ABCB5: variants seen among roughly 807,000 people sequenced by gnomAD.
The protein encoded by ABCB5 is ATP binding cassette subfamily B member 5.
A neutral mutation model predicts 144.2 loss-of-function variants in ABCB5; 155 were observed. The observed-to-expected ratio is 1.08, with a 90% confidence interval of 0.94 to 1.23. The LOEUF (loss-of-function observed/expected upper bound fraction) is 1.23. Ranked by LOEUF, ABCB5 falls within the 50% of genes most tolerant of loss-of-function variation. The pLI, the probability that ABCB5 is intolerant of heterozygous loss-of-function variation, is 0.00. For synonymous variants in ABCB5, 610 were observed against 528.6 expected, an observed-to-expected ratio of 1.15 and a Z score of -2.11; for missense variants, 1,830 against 1,520.8, an observed-to-expected ratio of 1.20 and a Z score of -3.38.
In ABCB5 at chr7:20,628,843, G is replaced by A. The variant is rs773380882; in HGVS notation, c.259+5G>A. 4.3e-6 allele frequency: 7 copies of A among 1,612,954 alleles called. No homozygotes were observed. Among genetic ancestry groups the A allele is most frequent in the African/African-American group, 1.3e-5 (1 of 74,996 alleles). On this transcript the variant is annotated splice_donor_5th_base_variant and intron_variant, in intron 4 of 27. Transcript: ENST00000404938. ...GTCTAGTCCAAACTAACACAAGTGA[G>A]TATACGATTATTTTTCTGTATCACT...
intron 1 of ABCB5, among the ~76,000 whole-genome samples, chr7:20,616,266 C>T (rs570023686): frequency 1.6e-4 from 24 of 152,270 alleles, no homozygotes; most frequent in African/African-American, 4.8e-4. Flanking sequence ...GAACTCCTGA[C>T]CTCAGATGAT....
intron 20 of ABCB5, among the ~76,000 whole-genome samples, chr7:20,716,903 T>C (rs1245558665): frequency 6.6e-6 from 1 of 152,094 alleles, no homozygotes; most frequent in Non-Finnish European, 1.5e-5. Flanking sequence ...CAGCGCAGCC[T>C]TAGGGAATCT....
intron 23 of ABCB5, among the ~76,000 whole-genome samples, chr7:20,732,026 TA>T (rs1782238505): frequency 6.6e-6 from 1 of 152,232 alleles, no homozygotes; most frequent in Non-Finnish European, 1.5e-5. Context: ...GAAATTTGAA[TA>T]AAGCCAAAGT....
intron 1 of ABCB5, among the ~76,000 whole-genome samples, chr7:20,616,836 G>T (rs1176663335): frequency 6.6e-6 from 1 of 152,236 alleles, no homozygotes; most frequent in Non-Finnish European, 1.5e-5. Context: ...TTTCCATACA[G>T]TGAGGACCTG....
chr7:20,656,774 C>T (rs953963080), intron 13 of ABCB5, among the ~76,000 whole-genome samples: 1 of 152,048 alleles, frequency 6.6e-6, no homozygotes, highest in African/African-American at 2.4e-5. Flanking sequence ...TAAATGAAAA[C>T]ATGACCACAA....
Position 20,643,289 on chromosome 7 carries a change from A to G in ABCB5, c.420A>G (p.Arg140=). 1.9e-6 allele frequency: 3 copies of G among 1,613,910 alleles called. No homozygotes were observed. Among genetic ancestry groups the G allele is most frequent in the South Asian group, 1.1e-5 (1 of 91,060 alleles). ...CAGCACGACAGACCAAGAGGATTCG[A>G]AAACAGTTTTTTCATTCAGTTTTGG... is the stretch of plus-strand genomic sequence containing the variant. ...ITAARQTKRI[R]KQFFHSVLAQ... Residue 140 remains arginine, a synonymous_variant, in exon 6 of 28, where the codon CGA becomes CGG. Transcript: ENST00000404938.
At chr7:20,619,871 G>A (rs1783772277) in intron 1 of ABCB5, among the ~76,000 whole-genome samples, 1 of 152,116 alleles carries the variant, frequency 6.6e-6, no homozygotes, top group Non-Finnish European at 1.5e-5. Context: ...AAATGTAGGG[G>A]TCCAGTTTCA....
chr7:20,652,215 A>G (rs1429372563), intron 13 of ABCB5, among the ~76,000 whole-genome samples: 1 of 152,200 alleles, frequency 6.6e-6, no homozygotes, highest in Non-Finnish European at 1.5e-5. Flanking sequence ...GTTCTGTGAC[A>G]AACCACAAGA....
Position 20,646,136 on chromosome 7 carries a change from G to T in ABCB5, c.979G>T (p.Ala327Ser). 6.2e-7 allele frequency: 1 copy of T among 1,609,364 alleles called. No individual in the cohort carries two copies. The highest frequency in any genetic ancestry group is 8.5e-7 in the Non-Finnish European group (1 of 1,178,602). The part of the protein sequence containing the change: ...EPGYTIGTVL[A>S]VFFSVIHSSY... ...TGGATATACCATCGGGACTGTTCTT[G>T]CTGTAAGTCTTGTTTGAGAACAAGG... Residue 327 changes from alanine to serine, a missense_variant and splice_region_variant, in exon 9 of 28, where the codon GCT becomes TCT. Transcript: ENST00000404938.
intron 11 of ABCB5, among the ~76,000 whole-genome samples, chr7:20,649,024 C>A (rs1583392642): frequency 6.6e-6 from 1 of 152,256 alleles, no homozygotes; most frequent in East Asian, 1.9e-4. Context: ...GGAAAGTGTT[C>A]TTTGGGTTTT....
intron 18 of ABCB5, 35 bp downstream of exon 18, chr7:20,699,964 C>CT: frequency 6.3e-7 from 1 of 1,598,654 alleles, no homozygotes; most frequent in Non-Finnish European, 8.6e-7. Context: ...AGCATGATTA[C>CT]TTTTTGTTGC....
rs1474008121 is a variant in ABCB5, at chr7:20,628,811, A to T, written c.232A>T (p.Ser78Cys). The T allele has an allele frequency of 1.3e-5, 21 of 1,613,800 alleles. No individual in the cohort carries two copies. Among genetic ancestry groups the T allele is most frequent in the Non-Finnish European group, 1.8e-5 (21 of 1,179,812 alleles). The change falls in exon 4 of 28, where the codon AGT becomes TGT. Residue 78 changes from serine to cysteine, a missense_variant. By Grantham distance (112) the Ser-to-Cys change is moderately radical. Transcript: ENST00000404938. ...VLGEMSDNLI[S>C]GCLVQTNTTN... ...AGGAGAAATGAGTGATAACCTTATT[A>T]GTGGATGTCTAGTCCAAACTAACAC...
intron 9 of ABCB5, among the ~76,000 whole-genome samples, chr7:20,646,703 G>A (rs1175076030): frequency 6.6e-6 from 1 of 152,166 alleles, no homozygotes; most frequent in African/African-American, 2.4e-5. Context: ...ACAATAAACA[G>A]ATCAGTTCAG....
intron 27 of ABCB5, among the ~76,000 whole-genome samples, chr7:20,754,236 T>C (rs1256597086): frequency 2.6e-5 from 4 of 152,230 alleles, no homozygotes. Context: ...TTCTCTAAAT[T>C]CTAATGGAGG....
At chr7:20,721,118 T>C (rs1583450474) in intron 20 of ABCB5, among the ~76,000 whole-genome samples, 1 of 152,216 alleles carries the variant, frequency 6.6e-6, no homozygotes. Context: ...AAACGATAGT[T>C]ATGTAGTTTC....
intron 5 of ABCB5, among the ~76,000 whole-genome samples, chr7:20,638,703 A>G (rs1292746559): frequency 1.3e-5 from 2 of 151,950 alleles, no homozygotes; most frequent in African/African-American, 4.8e-5. Flanking sequence ...ATTCCTTTTT[A>G]TTGCTTAGTA....
intron 4 of ABCB5, among the ~76,000 whole-genome samples, chr7:20,629,408 C>A (rs1351156032): frequency 6.6e-6 from 1 of 152,140 alleles, no homozygotes; most frequent in Admixed American, 6.6e-5. Context: ...GTGATTACAT[C>A]AGGATTTAAT....
chr7:20,638,739 A>G (rs1296789205), intron 5 of ABCB5, among the ~76,000 whole-genome samples: 4 of 152,098 alleles, frequency 2.6e-5, no homozygotes, highest in Admixed American at 6.6e-5. Context: ...GCTGTATCAC[A>G]TTTTGTTTAT....
intron 16 of ABCB5, among the ~76,000 whole-genome samples, chr7:20,691,321 G>A (rs1470208615): frequency 6.6e-6 from 1 of 151,742 alleles, no homozygotes; most frequent in African/African-American, 2.4e-5. Context: ...GCTAAGAGTT[G>A]AAGGAGGCCA....
Sources: gnomAD v4.1 joint callset for allele counts (sites outside exome capture counted in the v4.1 genomes callset) on GRCh38, gnomAD v4.1.1 for gene constraint, MANE v1.5 for transcripts, NCBI Gene and HGNC (gene_info 2026-07-23, HGNC 2026-07-21) for gene names.